Variants in AGMO observed in about 807,000 individuals in gnomAD.
AGMO encodes alkylglycerol monooxygenase.
Under a neutral mutation model 60.2 loss-of-function variants are expected in AGMO, and 75 were observed. The observed-to-expected ratio is 1.25, with a 90% CI of 1.03 to 1.51. The LOEUF (loss-of-function observed/expected upper bound fraction) is 1.51, where lower values mean the gene tolerates loss of function less well. Among genes scored for constraint, AGMO ranks in the 40% most tolerant of loss-of-function variants. The probability of loss-of-function intolerance (pLI) is 0.00; values close to 1 mark genes in which losing one functional copy is unlikely to be tolerated. For synonymous variants in AGMO, 261 were observed against 177.1 expected (o/e 1.47, Z -3.76); for missense variants, 763 against 525.5 (o/e 1.45, Z -4.42).
chr7:15,192,309 C>A, the AGMO span, among the ~76,000 whole-genome samples: 1 of 151,754 alleles, frequency 6.6e-6, no homozygotes, highest in African/African-American at 2.4e-5. Context: ...CCAGGCTCCA[C>A]AAGCAAAAGA....
chr7:15,257,161 C>T (rs962890589), intron 12 of AGMO, among the ~76,000 whole-genome samples: 4 of 151,890 alleles, frequency 2.6e-5, no homozygotes, highest in Admixed American at 1.3e-4. Flanking sequence ...TAATAATTCA[C>T]GAACTCTAAA....
At position 15,277,042 on chromosome 7, in the gene AGMO, G is replaced by A. The variant is rs564833892; in HGVS notation, c.1264-75683C>T. Among the ~76,000 whole-genome samples, 38 of 151,704 alleles carry A rather than the reference G, an allele frequency of 2.5e-4. No individual in the cohort carries two copies. In the South Asian group the frequency reaches 3.1e-3, roughly 12 times the overall value. On this transcript the variant is annotated intron_variant, in intron 12 of 12. Coordinates refer to ENST00000342526, the MANE Select transcript of AGMO (RefSeq NM_001004320.2). ...TTTTTTATTTGCTGGGTGTGGTGGC[G>A]CACACCTGTAATCCCAGCACTTTGG...
downstream of AGMO, among the ~76,000 whole-genome samples, chr7:15,198,224 A>T (rs1428002177): frequency 9.0e-6 from 1 of 110,756 alleles, no homozygotes; most frequent in African/African-American, 4.5e-5. Flanking sequence ...AGAGAGAGAG[A>T]GAGAGAGAGA....
At chr7:15,145,928 A>C in the AGMO span, among the ~76,000 whole-genome samples, 1 of 152,212 alleles carries the variant, frequency 6.6e-6, no homozygotes, top group Admixed American at 6.5e-5. Context: ...CTCAAAGGCA[A>C]GTTTATGTTA....
intron 12 of AGMO, among the ~76,000 whole-genome samples, chr7:15,319,958 T>C (rs183317092): frequency 3.8e-4 from 58 of 152,216 alleles, no homozygotes; most frequent in African/African-American, 1.4e-3. Context: ...ATGTCCTTTG[T>C]AGGGACATGG....
chr7:15,503,200 C>T (rs1482731121), intron 3 of AGMO, among the ~76,000 whole-genome samples: 1 of 151,952 alleles, frequency 6.6e-6, no homozygotes, highest in East Asian at 1.9e-4. Flanking sequence ...TTAGAAGGTA[C>T]ACCTGTTAAT....
chr7:15,414,003 T>C (rs149857316), intron 5 of AGMO, among the ~76,000 whole-genome samples: 2 of 152,284 alleles, frequency 1.3e-5, no homozygotes, highest in East Asian at 3.9e-4. Flanking sequence ...ATTTATTTAT[T>C]TGTTTATTTT....
chr7:15,488,954 C>T (rs563373645), intron 3 of AGMO, among the ~76,000 whole-genome samples: 57 of 152,240 alleles, frequency 3.7e-4, no homozygotes, highest in African/African-American at 1.3e-3. Flanking sequence ...TGGGATTTCT[C>T]TTCAAACTGA....
At chr7:15,310,728 A>C (rs533214973) in intron 12 of AGMO, among the ~76,000 whole-genome samples, 2 of 152,320 alleles carry the variant, frequency 1.3e-5, no homozygotes, top group South Asian at 4.1e-4. Context: ...AATGGCTTAA[A>C]AACAACACAA....
chr7:15,259,914 A>AC (rs1394891640), intron 12 of AGMO, among the ~76,000 whole-genome samples: 1 of 148,224 alleles, frequency 6.7e-6, no homozygotes, highest in African/African-American at 2.5e-5. Flanking sequence ...AAAAAAAAAA[A>AC]AAAAAAAAAA....
intron 12 of AGMO, among the ~76,000 whole-genome samples, chr7:15,296,892 T>C (rs536372035): frequency 6.6e-6 from 1 of 152,328 alleles, no homozygotes; most frequent in Admixed American, 6.5e-5. Flanking sequence ...GGTTCTTTCT[T>C]CCATTTTTCC....
intron 10 of AGMO, among the ~76,000 whole-genome samples, chr7:15,371,486 G>A (rs1454664932): frequency 1.3e-5 from 2 of 151,896 alleles, no homozygotes; most frequent in African/African-American, 2.4e-5. Flanking sequence ...CGCCTCCTGG[G>A]TTCAAGCAAT....
chr7:15,225,070 T>C (rs941972089), intron 12 of AGMO, among the ~76,000 whole-genome samples: 45 of 152,000 alleles, frequency 3.0e-4, no homozygotes, highest in African/African-American at 1.0e-3. Flanking sequence ...GTCTTTTTTT[T>C]CTTTTTTCTT....
chr7:15,179,807 C>T, the AGMO span, among the ~76,000 whole-genome samples: 1 of 152,164 alleles, frequency 6.6e-6, no homozygotes, highest in Non-Finnish European at 1.5e-5. Context: ...AGAGCCTTTC[C>T]ATTCTGTAAG....
chr7:15,217,406 CAA>C (rs1456416820), intron 12 of AGMO, among the ~76,000 whole-genome samples: 1 of 151,772 alleles, frequency 6.6e-6, no homozygotes, highest in African/African-American at 2.4e-5. Context: ...ACAAGAAAAA[CAA>C]AGACATCTTG....
intron 12 of AGMO, among the ~76,000 whole-genome samples, chr7:15,210,337 A>C (rs1028207355): frequency 1.3e-5 from 2 of 152,174 alleles, no homozygotes; most frequent in Admixed American, 1.3e-4. Context: ...TCTCCAGGTA[A>C]GTATATCAAT....
intron 5 of AGMO, among the ~76,000 whole-genome samples, chr7:15,411,541 C>A (rs1780605891): frequency 6.6e-6 from 1 of 151,770 alleles, no homozygotes; most frequent in African/African-American, 2.4e-5. Flanking sequence ...CATGAGATGA[C>A]TAATTGTGTA....
At chr7:15,551,980 C>T (rs972407535) in intron 2 of AGMO, among the ~76,000 whole-genome samples, 28 of 151,874 alleles carry the variant, frequency 1.8e-4, no homozygotes, top group African/African-American at 6.8e-4. Context: ...AGATATAGAT[C>T]AATGGAACAG....
At chr7:15,371,023 C>T (rs111749339) in intron 10 of AGMO, among the ~76,000 whole-genome samples, 1 of 152,058 alleles carries the variant, frequency 6.6e-6, no homozygotes, top group Non-Finnish European at 1.5e-5. Flanking sequence ...GAAAAGACTC[C>T]TTATTCAGTA....
Sources: allele counts gnomAD v4.1 joint callset (sites outside exome capture counted in the v4.1 genomes callset), GRCh38; gene constraint gnomAD v4.1.1; transcripts MANE v1.5; gene names NCBI Gene and HGNC (gene_info 2026-07-23, HGNC 2026-07-21).